PAPPA: variants seen among roughly 807,000 people sequenced by gnomAD.
PAPPA encodes pappalysin-1.
A neutral mutation model predicts 164.0 loss-of-function variants in PAPPA; 60 were observed. The ratio of observed to expected loss-of-function variants is 0.37; its 90% CI spans 0.30 to 0.45. The LOEUF is 0.45. PAPPA is among the 20% of genes least tolerant of loss of function. The pLI is 1.00. For missense variants in PAPPA, 1,782 were observed against 2,087.3 expected (o/e 0.85, Z 2.85); for synonymous variants, 875 against 814.1 (o/e 1.07, Z -1.27).
chr9:116,200,909 A>G (rs2118660670), intron 2 of PAPPA, among the ~76,000 whole-genome samples: 1 of 152,336 alleles, frequency 6.6e-6, no homozygotes, highest in South Asian at 2.1e-4. Context: ...TCATTCAATA[A>G]CTAAATAAAG....
chr9:116,172,302 A>G (rs534131689), intron 1 of PAPPA, among the ~76,000 whole-genome samples: 12 of 152,274 alleles, frequency 7.9e-5, no homozygotes, highest in African/African-American at 2.9e-4. Flanking sequence ...TAAATTCTGT[A>G]GCCTCACATT....
chr9:116,223,047 AT>A (rs1022122804), intron 5 of PAPPA, among the ~76,000 whole-genome samples: 1 of 152,162 alleles, frequency 6.6e-6, no homozygotes, highest in African/African-American at 2.4e-5. Context: ...GTGGGCATTA[AT>A]TTTTCACATT....
chr9:116,398,597 G>A lies in PAPPA; in HGVS notation c.*1981G>A, dbSNP rs905056648. 7 of 1,231,910 alleles carry A rather than the reference G, an allele frequency of 5.7e-6. No homozygotes were observed. The highest frequency in any genetic ancestry group is 7.5e-6 in the Non-Finnish European group (7 of 936,576). 76.3% of individuals were successfully genotyped at this position (1,231,910 alleles called of 1,614,324 possible). A position where few individuals can be genotyped will look rare whatever the true frequency, so the allele number is the denominator to read the frequency against. On this transcript the variant is annotated 3_prime_UTR_variant, in exon 22 of 22. Transcript: ENST00000328252. ...GAGAAGACATCTATTGGCCATCTCT[G>A]GCCAATTACACTAAGAAACATATCA...
intron 1 of PAPPA, among the ~76,000 whole-genome samples, chr9:116,163,269 C>T (rs1316560357): frequency 6.6e-6 from 1 of 152,050 alleles, no homozygotes; most frequent in African/African-American, 2.4e-5. Flanking sequence ...AGAAGGAAGT[C>T]TAGGAATGCT....
At chr9:116,198,924 T>C (rs2118655803) in intron 2 of PAPPA, among the ~76,000 whole-genome samples, 1 of 152,348 alleles carries the variant, frequency 6.6e-6, no homozygotes, top group South Asian at 2.1e-4. Context: ...AGTGTTTTTT[T>C]TTCCCCTTTT....
At chr9:116,221,752 A>G (rs1844449466) in intron 5 of PAPPA, among the ~76,000 whole-genome samples, 1 of 152,218 alleles carries the variant, frequency 6.6e-6, no homozygotes, top group Admixed American at 6.5e-5. Flanking sequence ...AGAAGCAAGA[A>G]ATTCTCATTT....
At chr9:116,364,187 C>T (rs1395723552) in intron 18 of PAPPA, among the ~76,000 whole-genome samples, 1 of 152,172 alleles carries the variant, frequency 6.6e-6, no homozygotes, top group East Asian at 1.9e-4. Context: ...TGTGCGTGGT[C>T]CTGAACAAGT....
At chr9:116,349,776 C>T (rs967695127) in intron 15 of PAPPA, among the ~76,000 whole-genome samples, 16 of 152,120 alleles carry the variant, frequency 1.1e-4, no homozygotes, top group Admixed American at 1.3e-4. Flanking sequence ...CAAAACTTGA[C>T]GGACCCAAAA....
At chr9:116,320,112 TA>T (rs1240873292) in intron 10 of PAPPA, among the ~76,000 whole-genome samples, 1 of 152,196 alleles carries the variant, frequency 6.6e-6, no homozygotes, top group Non-Finnish European at 1.5e-5. Context: ...TCCCTATCTG[TA>T]AAAATGTTAG....
chr9:116,336,686 TGTTA>T lies in PAPPA; in HGVS notation c.3611+1616_3611+1619del, dbSNP rs377261279. ...TGAAACATATCGATTGATACGTATT[TGTTA>T]GTTCTTTGGTTGTAGGAGGAACATT... is the stretch of plus-strand genomic sequence containing the variant. On this transcript the variant is annotated intron_variant, in intron 13 of 21. Transcript: ENST00000328252. Among the ~76,000 whole-genome samples the T allele has an allele frequency of 3.9e-5, 6 of 152,346 alleles. No individual in the cohort carries two copies. The South Asian group carries it at 1.2e-3, about 32-fold the overall frequency.
intron 2 of PAPPA, among the ~76,000 whole-genome samples, chr9:116,204,575 A>G (rs1020585059): frequency 1.3e-5 from 2 of 152,066 alleles, no homozygotes; most frequent in Middle Eastern, 3.2e-3. Flanking sequence ...CACCATGCCC[A>G]GCTAAATTTT....
At chr9:116,163,878 G>A (rs143419203) in intron 1 of PAPPA, among the ~76,000 whole-genome samples, 11 of 152,286 alleles carry the variant, frequency 7.2e-5, no homozygotes, top group Admixed American at 3.9e-4. Context: ...ACAAAGCAAT[G>A]TAACAGTGGT....
chr9:116,397,559 C>T lies in PAPPA; in HGVS notation c.*943C>T. The T allele has an allele frequency of 6.5e-6, 1 of 152,758 alleles. No homozygotes were observed. The highest frequency in any genetic ancestry group is 1.5e-5 in the Non-Finnish European group (1 of 68,034). 9.5% of individuals were successfully genotyped at this position (152,758 alleles called of 1,614,324 possible). On this transcript the variant is annotated 3_prime_UTR_variant, in exon 22 of 22. Transcript: ENST00000328252. ...AACAGTCTGCCTTAAAAGTGACCCA[C>T]ATTTTTCCATAGCTCCTCACTTTTT...
chr9:116,236,304 G>C (rs73527808), intron 7 of PAPPA, among the ~76,000 whole-genome samples: 2 of 151,838 alleles, frequency 1.3e-5, no homozygotes, highest in Admixed American at 1.3e-4. Flanking sequence ...CTCACTTCCC[G>C]GCCAGGGAGG....
At chr9:116,290,947 A>G (rs1480585889) in intron 9 of PAPPA, among the ~76,000 whole-genome samples, 1 of 151,942 alleles carries the variant, frequency 6.6e-6, no homozygotes, top group African/African-American at 2.4e-5. Context: ...TTGTGGTTAG[A>G]ATGCCAGCCT....
chr9:116,348,053 C>T (rs958009222), intron 15 of PAPPA, among the ~76,000 whole-genome samples: 3 of 152,172 alleles, frequency 2.0e-5, no homozygotes, highest in African/African-American at 4.8e-5. Flanking sequence ...CAGATCCTTC[C>T]ACTGCCAACT....
rs1847005021 is a variant in PAPPA at position 116,398,837 on chromosome 9, A to C, written c.*2221A>C. 4 of 376,750 alleles carry C rather than the reference A, an allele frequency of 1.1e-5. No individual in the cohort carries two copies. The highest frequency in any genetic ancestry group is 8.5e-5 in the African/African-American group (4 of 47,218). The allele number at this position is 376,750 out of a possible 1,614,324, so 23.3% of individuals were successfully genotyped here. On this transcript the variant is annotated 3_prime_UTR_variant, in exon 22 of 22. Coordinates refer to ENST00000328252, the MANE Select transcript of PAPPA (RefSeq NM_002581.5). ...TAATTACAAGGACAAATTATTAGCA[A>C]GAAATAAGAATAGTATTAGAAGAAT...
In PAPPA at chr9:116,187,019, C is replaced by T. The variant is rs1843978785; in HGVS notation, c.416-135C>T. 3.0e-6 allele frequency: 2 copies of T among 665,858 alleles called. No homozygotes were observed. Among genetic ancestry groups the T allele is most frequent in the South Asian group, 2.1e-5 (1 of 47,472 alleles). The allele number at this position is 665,858 out of a possible 1,614,324, so 41.2% of individuals were successfully genotyped here. ...GTCCCAGAGGCACCATTAGCAACTC[C>T]TAGGATCCCACAGAGCAGTTGGAAA... On this transcript the variant is annotated intron_variant, in intron 1 of 21. Transcript: ENST00000328252. The surrounding 1 kb of genome is among the most constrained non-coding windows in gnomAD (Gnocchi z 4.2).
chr9:116,246,924 G>C (rs1318678939), intron 7 of PAPPA, among the ~76,000 whole-genome samples: 1 of 152,048 alleles, frequency 6.6e-6, no homozygotes, highest in Non-Finnish European at 1.5e-5. Flanking sequence ...AGGAGGGTGA[G>C]GGAGGAGGAT....
Sources: allele counts gnomAD v4.1 joint callset (sites outside exome capture counted in the v4.1 genomes callset), GRCh38; gene constraint gnomAD v4.1.1; non-coding constraint Gnocchi (gnomAD v3.1); transcripts MANE v1.5; gene names NCBI Gene and HGNC (gene_info 2026-07-23, HGNC 2026-07-21).